The following DLC1 variants were observed in gnomAD, a reference collection of about 807,000 sequenced individuals.
DLC1 encodes the protein rho GTPase-activating protein 7.
DLC1 carries 54 observed loss-of-function variants against 140.3 expected under a neutral mutation model. The ratio of observed to expected loss-of-function variants is 0.38; its 90% CI spans 0.31 to 0.48. The LOEUF is 0.48. Among genes scored for constraint, DLC1 ranks in the 20% least tolerant of loss-of-function variants. DLC1 has a pLI of 0.96. For missense variants in DLC1, 2,536 were observed against 1,907.0 expected, an observed-to-expected ratio of 1.33 and a Z score of -6.14; for synonymous variants, 986 against 728.1, an observed-to-expected ratio of 1.35 and a Z score of -5.70.
At chr8:13,117,048 G>A (rs748022989) in intron 5 of DLC1, among the ~76,000 whole-genome samples, 3 of 151,880 alleles carry the variant, frequency 2.0e-5, no homozygotes, top group Admixed American at 6.6e-5. Flanking sequence ...CTTTTTTTTC[G>A]TATGTGTATA....
In DLC1 at chr8:13,169,105, G is replaced by A. The variant is rs183505660; in HGVS notation, c.1349-53448C>T. ...CTTGTTATGGATCAGAAGGAAATGT[G>A]ATATATAGTACTTGGAAATTTGGGG... On this transcript the variant is annotated intron_variant, in intron 5 of 17. Coordinates refer to ENST00000276297, the MANE Select transcript of DLC1 (RefSeq NM_182643.3). 9.2e-5 allele frequency among the ~76,000 whole-genome samples: 14 copies of A among 152,298 alleles called. No individual in the cohort carries two copies. The South Asian group carries it at 2.3e-3, about 25-fold the overall frequency.
At chr8:13,343,255 G>T (rs1834159808) in intron 4 of DLC1, among the ~76,000 whole-genome samples, 1 of 152,110 alleles carries the variant, frequency 6.6e-6, no homozygotes, top group Non-Finnish European at 1.5e-5. Flanking sequence ...CATGTTGTTT[G>T]CAGCCTTAAG....
At chr8:13,272,668 TG>T (rs1830986909) in intron 5 of DLC1, among the ~76,000 whole-genome samples, 1 of 152,034 alleles carries the variant, frequency 6.6e-6, no homozygotes. Context: ...GAGACCATCC[TG>T]GCTAACACGG....
chr8:13,305,578 C>G (rs1442333321), intron 4 of DLC1, among the ~76,000 whole-genome samples: 1 of 152,156 alleles, frequency 6.6e-6, no homozygotes, highest in African/African-American at 2.4e-5. Flanking sequence ...TGGTTCACAC[C>G]TGTAATCCCA....
intron 5 of DLC1, among the ~76,000 whole-genome samples, chr8:13,152,680 G>A (rs926401079): frequency 6.6e-6 from 1 of 151,952 alleles, no homozygotes; most frequent in African/African-American, 2.4e-5. Flanking sequence ...AGTGGCTTGG[G>A]CCCATAGTCC....
intron 1 of DLC1, among the ~76,000 whole-genome samples, chr8:13,544,901 T>C (rs1803603888): frequency 6.6e-6 from 1 of 152,176 alleles, no homozygotes; most frequent in South Asian, 2.1e-4. Flanking sequence ...CGTGAACAGT[T>C]ACCACTTAAG....
chr8:13,495,297 T>C (rs1393655008), intron 2 of DLC1, among the ~76,000 whole-genome samples: 5 of 152,178 alleles, frequency 3.3e-5, no homozygotes, highest in Admixed American at 6.5e-5. Context: ...AGTCTTTCCC[T>C]AAATGTTTTC....
chr8:13,326,208 G>T (rs1280553496), intron 4 of DLC1, among the ~76,000 whole-genome samples: 2 of 152,138 alleles, frequency 1.3e-5, no homozygotes, highest in African/African-American at 4.8e-5. Context: ...TATGAAAAAT[G>T]AGATCTAAGA....
At chr8:13,447,101 G>A (rs557572903) in intron 2 of DLC1, among the ~76,000 whole-genome samples, 82 of 152,218 alleles carry the variant, frequency 5.4e-4, no homozygotes, top group Non-Finnish European at 8.7e-4. Context: ...GAGCTCTAAA[G>A]CCTTCATTGC....
intron 6 of DLC1, among the ~76,000 whole-genome samples, chr8:13,114,582 A>C (rs1416457437): frequency 6.6e-6 from 1 of 152,138 alleles, no homozygotes; most frequent in African/African-American, 2.4e-5. Flanking sequence ...AAAACATAAT[A>C]TTCATTAAAA....
At chr8:13,442,078 A>G (rs561119505) in intron 2 of DLC1, among the ~76,000 whole-genome samples, 92 of 152,336 alleles carry the variant, frequency 6.0e-4, no homozygotes, top group African/African-American at 1.7e-3. Context: ...ATCTTTGACA[A>G]ACCTGAGAAA....
At chr8:13,197,356 T>A (rs964849808) in intron 5 of DLC1, among the ~76,000 whole-genome samples, 1 of 152,154 alleles carries the variant, frequency 6.6e-6, no homozygotes, top group Non-Finnish European at 1.5e-5. Flanking sequence ...TAATTCAATT[T>A]ATTTTTTTTG....
intron 6 of DLC1, among the ~76,000 whole-genome samples, chr8:13,113,510 T>A (rs1243047001): frequency 6.6e-6 from 1 of 152,204 alleles, no homozygotes; most frequent in Non-Finnish European, 1.5e-5. Flanking sequence ...TGGAATTGGG[T>A]CTTAGCAAAC....
chr8:13,285,157 C>G (rs980034031), intron 5 of DLC1, among the ~76,000 whole-genome samples: 1 of 152,134 alleles, frequency 6.6e-6, no homozygotes, highest in South Asian at 2.1e-4. Flanking sequence ...GTAATCAAGA[C>G]AGGGTGGTAT....
chr8:13,405,646 C>G (rs1333835337), intron 2 of DLC1, among the ~76,000 whole-genome samples: 1 of 152,120 alleles, frequency 6.6e-6, no homozygotes, highest in Admixed American at 6.5e-5. Context: ...AAATTTTATG[C>G]CCACTTGGGT....
chr8:13,530,419 G>A (rs1485414792), intron 1 of DLC1, among the ~76,000 whole-genome samples: 1 of 152,158 alleles, frequency 6.6e-6, no homozygotes, highest in Non-Finnish European at 1.5e-5. Flanking sequence ...AGAGGTGGGG[G>A]AAATTTTTAG....
intron 5 of DLC1, among the ~76,000 whole-genome samples, chr8:13,184,266 G>A (rs991375755): frequency 9.2e-5 from 14 of 152,164 alleles, no homozygotes; most frequent in Non-Finnish European, 1.2e-4. Flanking sequence ...CAAAAAACCA[G>A]CTTCTGGATT....
intron 1 of DLC1, among the ~76,000 whole-genome samples, chr8:13,593,442 G>A (rs538437890): frequency 1.1e-4 from 17 of 152,222 alleles, no homozygotes; most frequent in African/African-American, 1.9e-4. Flanking sequence ...TTGAGTGGAC[G>A]TTATATGTGT....
intron 7 of DLC1, among the ~76,000 whole-genome samples, chr8:13,105,362 A>G (rs149140282): frequency 1.3e-5 from 2 of 152,326 alleles, no homozygotes; most frequent in East Asian, 1.9e-4. Context: ...ATATCAAATC[A>G]TAGTTCCAGC....
Sources: allele counts gnomAD v4.1 joint callset (sites outside exome capture counted in the v4.1 genomes callset), GRCh38; gene constraint gnomAD v4.1.1; transcripts MANE v1.5; gene names NCBI Gene and HGNC (gene_info 2026-07-23, HGNC 2026-07-21).